The following EEF1E1 variants were observed in gnomAD, a reference collection of about 807,000 sequenced individuals.
The protein encoded by EEF1E1 is eukaryotic translation elongation factor 1 epsilon 1.
In EEF1E1, 19 loss-of-function variants were observed where a neutral mutation model predicts 19.9. The observed-to-expected ratio is 0.95, with a 90% CI of 0.66 to 1.40. EEF1E1 has a LOEUF of 1.40. Ranked by LOEUF, EEF1E1 falls within the 40% of genes most tolerant of loss-of-function variation. The pLI, the probability that EEF1E1 is intolerant of heterozygous loss-of-function variation, is 0.00. For synonymous variants in EEF1E1, 81 were observed against 80.0 expected (o/e 1.01, Z -0.07); for missense variants, 198 against 202.2 (o/e 0.98, Z 0.13).
At chr6:8,075,739 C>T (rs1757575170), downstream of EEF1E1, among the ~76,000 whole-genome samples, 1 of 152,172 alleles carries the variant, frequency 6.6e-6, no homozygotes, top group African/African-American at 2.4e-5. Context: ...CCACATTAAT[C>T]GACTCTTCCT....
downstream of EEF1E1, among the ~76,000 whole-genome samples, chr6:8,076,355 G>A (rs927510121): frequency 1.3e-5 from 2 of 152,062 alleles, no homozygotes; most frequent in African/African-American, 2.4e-5. Flanking sequence ...AGGGAGTCTC[G>A]CTCCGTTGCC....
At chr6:8,075,833 T>A (rs557878727), downstream of EEF1E1, among the ~76,000 whole-genome samples, 359 of 152,340 alleles carry the variant, frequency 2.4e-3, 1 homozygote, top group African/African-American at 8.3e-3. Flanking sequence ...TTGAAGTCAA[T>A]CCTCTCCAAC....
At chr6:8,094,969 T>C (rs1475674210) in intron 2 of EEF1E1, among the ~76,000 whole-genome samples, 3 of 152,144 alleles carry the variant, frequency 2.0e-5, no homozygotes, top group South Asian at 2.1e-4. Context: ...ATACAAAATA[T>C]GTATTAACTG....
chr6:8,099,786 ACACAC>A (rs1283049175), intron 1 of EEF1E1, among the ~76,000 whole-genome samples: 1,471 of 132,054 alleles, frequency 0.011, 71 homozygotes, highest in African/African-American at 0.042. Context: ...ACACACACAC[ACACAC>A]AAAAAAAAAA....
chr6:8,078,807 T>C, downstream of EEF1E1: 1 of 1,220,922 alleles, frequency 8.2e-7, no homozygotes, highest in Non-Finnish European at 1.0e-6. Context: ...TTTTTCTTCA[T>C]GTTGTCTACT....
At chr6:8,097,806 C>T (rs2113665415) in intron 1 of EEF1E1, among the ~76,000 whole-genome samples, 1 of 152,192 alleles carries the variant, frequency 6.6e-6, no homozygotes, top group East Asian at 1.9e-4. Context: ...ATCAAGTTTA[C>T]CTGCACCCTA....
At chr6:8,082,243 C>T (rs1757739895) in intron 3 of EEF1E1, among the ~76,000 whole-genome samples, 1 of 152,140 alleles carries the variant, frequency 6.6e-6, no homozygotes, top group Admixed American at 6.5e-5. Flanking sequence ...GCTCCTAAAG[C>T]TTCTAAAAAT....
chr6:8,093,324 C>CT (rs57000456), intron 2 of EEF1E1, among the ~76,000 whole-genome samples: 11,000 of 134,896 alleles, frequency 0.082, 713 homozygotes, highest in East Asian at 0.22. Flanking sequence ...CATTCGCTTC[C>CT]TTTTTTTTTT....
intron 2 of EEF1E1, among the ~76,000 whole-genome samples, chr6:8,094,944 T>C (rs1213881086): frequency 6.6e-6 from 1 of 152,212 alleles, no homozygotes; most frequent in Non-Finnish European, 1.5e-5. Flanking sequence ...GAATACGGTA[T>C]ATAATACACA....
Position 8,079,668 on chromosome 6 carries a change from G to C in EEF1E1, c.*222C>G, listed in dbSNP as rs1757678175. The C allele has an allele frequency of 1.6e-6, 2 of 1,219,462 alleles. No homozygotes were observed. Among genetic ancestry groups the C allele is most frequent in the Non-Finnish European group, 1.0e-6 (1 of 975,770 alleles). The allele number at this position is 1,219,462 out of a possible 1,614,324, so 75.5% of individuals were successfully genotyped here. Reference sequence around the variant, plus strand: ...TAAAAACAAGGTTAATTTATAACTGGATCTCAACTTGTTTAATAGCAATTG... The same window carrying C: ...TAAAAACAAGGTTAATTTATAACTGCATCTCAACTTGTTTAATAGCAATTG... On this transcript the variant is annotated 3_prime_UTR_variant, in exon 4 of 4. Coordinates refer to ENST00000379715, the MANE Select transcript of EEF1E1 (RefSeq NM_004280.5).
At chr6:8,094,836 G>C (rs564236195) in intron 2 of EEF1E1, among the ~76,000 whole-genome samples, 3 of 152,258 alleles carry the variant, frequency 2.0e-5, no homozygotes, top group African/African-American at 7.2e-5. Flanking sequence ...TGAGGATAAA[G>C]AGCTATATGA....
chr6:8,077,247 T>G (rs1206020189), downstream of EEF1E1, among the ~76,000 whole-genome samples: 1 of 152,142 alleles, frequency 6.6e-6, no homozygotes, highest in African/African-American at 2.4e-5. Context: ...CTGGCAAGAT[T>G]TAGCATAATT....
At chr6:8,082,942 C>A (rs1757758334) in intron 3 of EEF1E1, among the ~76,000 whole-genome samples, 1 of 152,212 alleles carries the variant, frequency 6.6e-6, no homozygotes, top group African/African-American at 2.4e-5. Flanking sequence ...ATTTCACTTA[C>A]AACACTGGTT....
chr6:8,090,315 TA>T (rs750136727), intron 2 of EEF1E1, 34 bp from the exon 3 acceptor site: 11 of 1,356,634 alleles, frequency 8.1e-6, no homozygotes, highest in Non-Finnish European at 5.8e-6. Flanking sequence ...AATATTAATG[TA>T]AAAAACAGTA....
intron 3 of EEF1E1, among the ~76,000 whole-genome samples, chr6:8,081,697 C>T (rs1757727246): frequency 6.6e-6 from 1 of 152,070 alleles, no homozygotes; most frequent in Admixed American, 6.5e-5. Context: ...AAAAGAGCTG[C>T]AAATCTAACA....
intron 3 of EEF1E1, among the ~76,000 whole-genome samples, chr6:8,073,724 G>A (rs1417193810): frequency 6.6e-6 from 1 of 152,204 alleles, no homozygotes; most frequent in African/African-American, 2.4e-5. Flanking sequence ...GTGAAATGTG[G>A]TCAGTGGAAA....
At position 8,099,785 on chromosome 6, in the gene EEF1E1, CACACACAA is replaced by C. The variant is rs1263347207; in HGVS notation, c.88-2326_88-2319del. Among the ~76,000 whole-genome samples, 218 of 94,410 alleles carry C rather than the reference CACACACAA, an allele frequency of 2.3e-3. 6 individuals are homozygous for C. The highest frequency in any genetic ancestry group is 0.015 in the Middle Eastern group (3 of 204). 61.9% of individuals were successfully genotyped at this position (94,410 alleles called of 152,430 possible). A position where few individuals can be genotyped will look rare whatever the true frequency, so the allele number is the denominator to read the frequency against. On this transcript the variant is annotated intron_variant, in intron 1 of 3. Coordinates refer to ENST00000379715, the MANE Select transcript of EEF1E1 (RefSeq NM_004280.5). ...ACACACACACACACACACACACACA[CACACACAA>C]AAAAAAAACAGAACCCTCTATAATG... is the stretch of plus-strand genomic sequence containing the variant.
intron 2 of EEF1E1, among the ~76,000 whole-genome samples, chr6:8,094,618 C>T (rs530290039): frequency 1.3e-5 from 2 of 151,466 alleles, no homozygotes; most frequent in East Asian, 1.9e-4. Flanking sequence ...GGAATGTGCT[C>T]AAGTATTTAG....
intron 1 of EEF1E1, among the ~76,000 whole-genome samples, chr6:8,099,002 A>G (rs1421264191): frequency 6.6e-6 from 1 of 152,200 alleles, no homozygotes; most frequent in East Asian, 1.9e-4. Context: ...CAGATAATAA[A>G]AACCAAGGTT....
Sources: gnomAD v4.1 joint callset for allele counts (sites outside exome capture counted in the v4.1 genomes callset) on GRCh38, gnomAD v4.1.1 for gene constraint, MANE v1.5 for transcripts, NCBI Gene and HGNC (gene_info 2026-07-23, HGNC 2026-07-21) for gene names.